Variants in AACS observed in about 807,000 individuals in gnomAD.
AACS encodes the protein acetoacetyl-CoA synthetase, also known as acetoacetate-CoA ligase.
AACS carries 69 observed loss-of-function variants against 83.1 expected under a neutral mutation model. The observed-to-expected ratio is 0.83, with a 90% CI of 0.68 to 1.01. The LOEUF (loss-of-function observed/expected upper bound fraction) is 1.01, where lower values mean the gene tolerates loss of function less well. Among genes scored for constraint, AACS ranks in the 50% least tolerant of loss-of-function variants. The pLI is 0.00. For synonymous variants in AACS, 333 were observed against 343.4 expected, an observed-to-expected ratio of 0.97 and a Z score of 0.33; for missense variants, 866 against 882.2, an observed-to-expected ratio of 0.98 and a Z score of 0.23.
At chr12:125,112,862 C>A (rs982270867) in intron 8 of AACS, among the ~76,000 whole-genome samples, 2 of 152,098 alleles carry the variant, frequency 1.3e-5, no homozygotes, top group Admixed American at 1.3e-4. Context: ...ATGGGCTTCC[C>A]CTTATCAAAC....
At chr12:125,091,765 T>TA (rs1056581167) in intron 5 of AACS, among the ~76,000 whole-genome samples, 1 of 152,146 alleles carries the variant, frequency 6.6e-6, no homozygotes, top group Non-Finnish European at 1.5e-5. Context: ...GCAGGTGGCG[T>TA]ATGCAGCACC....
chr12:125,095,988 G>A lies in AACS; in HGVS notation c.570+4465G>A, dbSNP rs79963822. Among the ~76,000 whole-genome samples the A allele has an allele frequency of 6.5e-3, 995 of 152,144 alleles. 31 individuals carry two copies. In the East Asian group the frequency reaches 0.092, roughly 14 times the overall value. On this transcript the variant is annotated intron_variant, in intron 5 of 17. Coordinates refer to ENST00000316519, the MANE Select transcript of AACS (RefSeq NM_023928.5). ...TATTGCCCCTCTTTTTTTCTGAGAC[G>A]GAGTCTCACTCTGTCTCCCAAGCTG...
chr12:125,091,546 G>C, intron 5 of AACS, 23 bp downstream of exon 5: 1 of 1,611,896 alleles, frequency 6.2e-7, no homozygotes, highest in Non-Finnish European at 8.5e-7. Flanking sequence ...CTGTGACAGA[G>C]GGGGCACCCC....
intron 17 of AACS, chr12:125,141,707 AAAAG>A (rs1957496682): frequency 2.8e-5 from 4 of 141,856 alleles, no homozygotes; most frequent in Admixed American, 1.4e-4. Context: ...AAAAAAAAAA[AAAAG>A]AAAAAAAAAG....
chr12:125,076,195 C>T (rs765130563), intron 2 of AACS, among the ~76,000 whole-genome samples: 15 of 152,152 alleles, frequency 9.9e-5, no homozygotes, highest in Non-Finnish European at 1.9e-4. Context: ...TGTTGGGTGT[C>T]GTCTTTGTCT....
chr12:125,129,076 C>T lies in AACS; in HGVS notation c.1424-259C>T. On this transcript the variant is annotated intron_variant, in intron 13 of 17. Coordinates refer to ENST00000316519, the MANE Select transcript of AACS (RefSeq NM_023928.5). The surrounding 1 kb of genome is among the most constrained non-coding windows in gnomAD (Gnocchi z 4.3). ...TATTCAAGGATGCGTGTGGATGGAG[C>T]AGAAATGTTAACACACATGGGAATA... 2.9e-6 allele frequency: 1 copy of T among 347,274 alleles called. No homozygotes were observed. The highest frequency in any genetic ancestry group is 5.2e-6 in the Non-Finnish European group (1 of 190,576). 21.5% of individuals were successfully genotyped at this position (347,274 alleles called of 1,614,324 possible).
chr12:125,090,205 CATT>C (rs796386912), intron 4 of AACS, among the ~76,000 whole-genome samples: 1 of 950 alleles, frequency 1.1e-3, no homozygotes, highest in Non-Finnish European at 2.1e-3. Context: ...CCCATTTACC[CATT>C]ATCCATCTAT....
intron 17 of AACS, chr12:125,138,594 G>A (rs1000419795): frequency 6.6e-6 from 1 of 152,286 alleles, no homozygotes; most frequent in African/African-American, 2.4e-5. Context: ...ATTTGATCAC[G>A]AGAGTAGTGG....
chr12:125,141,916 C>T lies in AACS; in HGVS notation c.1882-176C>T, dbSNP rs77403828. On this transcript the variant is annotated intron_variant, in intron 17 of 17. Transcript: ENST00000316519. ...AACAGAGAGACAGTGGTCAGTTCAC[C>T]GTACTTCGGTGCACGTTTGCAGACC... Among the ~76,000 whole-genome samples, 976 of 152,078 alleles carry T rather than the reference C, an allele frequency of 6.4e-3. 25 individuals carry two copies. In the East Asian group the frequency reaches 0.09, roughly 14 times the overall value.
intron 3 of AACS, among the ~76,000 whole-genome samples, chr12:125,083,543 C>T (rs951729207): frequency 4.6e-5 from 7 of 151,446 alleles, no homozygotes; most frequent in African/African-American, 1.7e-4. Context: ...GGTGGTTGAT[C>T]GTTTTTTTTT....
At chr12:125,128,047 G>A (rs1957273129) in intron 12 of AACS, 114 bp from the exon 13 acceptor site, 1 of 684,344 alleles carries the variant, frequency 1.5e-6, no homozygotes, top group Non-Finnish European at 2.4e-6. Flanking sequence ...TGCAGTGTTT[G>A]TCTGGGAGAG....
chr12:125,067,123 C>T (rs192857891), intron 1 of AACS, among the ~76,000 whole-genome samples: 3 of 152,322 alleles, frequency 2.0e-5, no homozygotes, highest in Admixed American at 1.3e-4. Flanking sequence ...AAATTGCAGA[C>T]GGCTGCCTGG....
chr12:125,112,514 C>T (rs1469241375), intron 8 of AACS, among the ~76,000 whole-genome samples: 2 of 151,756 alleles, frequency 1.3e-5, no homozygotes, highest in African/African-American at 4.8e-5. Context: ...CCCTGTCTCT[C>T]CTGAAACTAA....
At chr12:125,124,226 TG>T (rs1957205760) in intron 10 of AACS, 2 of 155,552 alleles carry the variant, frequency 1.3e-5, no homozygotes, top group Admixed American at 1.3e-4. Flanking sequence ...GCCCAGGAGT[TG>T]GAGACTGCAG....
intron 2 of AACS, among the ~76,000 whole-genome samples, chr12:125,076,234 A>G (rs1183075645): frequency 6.6e-6 from 1 of 152,114 alleles, no homozygotes; most frequent in Non-Finnish European, 1.5e-5. Flanking sequence ...TAGGTGTTTA[A>G]TGAGTATTTG....
rs1468205618 is a variant in AACS, at chr12:125,076,396, A to G, written c.238-95A>G. 8.5e-6 allele frequency: 13 copies of G among 1,533,490 alleles called. No individual in the cohort carries two copies. The South Asian group carries it at 1.2e-4, about 15-fold the overall frequency. 95.0% of individuals were successfully genotyped at this position (1,533,490 alleles called of 1,614,324 possible). On this transcript the variant is annotated intron_variant, in intron 2 of 17. Coordinates refer to ENST00000316519, the MANE Select transcript of AACS (RefSeq NM_023928.5). ...GTGAGCTGGCTTCCTGGGAAGAAGA[A>G]CCACTTTTGCTGATTTGTGACATAG...
intron 14 of AACS, among the ~76,000 whole-genome samples, chr12:125,133,450 C>T (rs1485005765): frequency 3.3e-5 from 5 of 152,212 alleles, no homozygotes; most frequent in South Asian, 2.1e-4. Context: ...TCCTCTTCCC[C>T]GTCTCCTCAT....
chr12:125,073,317 A>G (rs1402285937), intron 1 of AACS, among the ~76,000 whole-genome samples: 1 of 152,164 alleles, frequency 6.6e-6, no homozygotes, highest in African/African-American at 2.4e-5. Flanking sequence ...TCCCAACATT[A>G]TACTGGCCTT....
intron 3 of AACS, among the ~76,000 whole-genome samples, chr12:125,082,463 G>C (rs1271891003): frequency 6.8e-6 from 1 of 147,200 alleles, no homozygotes; most frequent in African/African-American, 2.5e-5. Context: ...GGTGTGAGCT[G>C]TAACACCTGG....
Sources: gnomAD v4.1 joint callset for allele counts (sites outside exome capture counted in the v4.1 genomes callset) on GRCh38, gnomAD v4.1.1 for gene constraint, Gnocchi (gnomAD v3.1) non-coding constraint, MANE v1.5 for transcripts, NCBI Gene and HGNC (gene_info 2026-07-23, HGNC 2026-07-21) for gene names.